CHODL: variants seen among roughly 807,000 people sequenced by gnomAD.
CHODL encodes chondrolectin.
In CHODL, 29 loss-of-function variants were observed where a neutral mutation model predicts 34.5. The ratio of observed to expected loss-of-function variants is 0.84; its 90% CI spans 0.63 to 1.15. The LOEUF (loss-of-function observed/expected upper bound fraction) is 1.15, where lower values mean the gene tolerates loss of function less well. CHODL is among the 50% of genes most tolerant of loss of function. The probability of loss-of-function intolerance (pLI) is 0.00; values close to 1 mark genes in which losing one functional copy is unlikely to be tolerated. For synonymous variants in CHODL, 125 were observed against 116.1 expected, an observed-to-expected ratio of 1.08 and a Z score of -0.49; for missense variants, 332 against 332.5, an observed-to-expected ratio of 1.00 and a Z score of 0.01.
chr21:17,984,258 C>A (rs1427078471), intron 1 of CHODL, among the ~76,000 whole-genome samples: 1 of 152,068 alleles, frequency 6.6e-6, no homozygotes, highest in Admixed American at 6.6e-5. Context: ...ATGGGTAGAC[C>A]AAATTTCCTT....
chr21:17,988,157 T>C (rs1016140856), intron 1 of CHODL, among the ~76,000 whole-genome samples: 3 of 152,200 alleles, frequency 2.0e-5, no homozygotes, highest in Admixed American at 6.5e-5. Context: ...TTGCCTTACC[T>C]GAATCTTCTT....
chr21:17,985,460 T>C (rs1393112618), intron 1 of CHODL, among the ~76,000 whole-genome samples: 1 of 152,230 alleles, frequency 6.6e-6, no homozygotes, highest in Non-Finnish European at 1.5e-5. Context: ...TTGGAAGTTG[T>C]CATAGAGTCA....
chr21:18,147,882 G>A (rs2072915133), intron 2 of CHODL, among the ~76,000 whole-genome samples: 1 of 152,216 alleles, frequency 6.6e-6, no homozygotes, highest in African/African-American at 2.4e-5. Context: ...AGCTCAAGGT[G>A]ATGAATCATG....
chr21:17,996,557 G>C (rs2063851074), intron 1 of CHODL, among the ~76,000 whole-genome samples: 1 of 152,212 alleles, frequency 6.6e-6, no homozygotes, highest in Non-Finnish European at 1.5e-5. Flanking sequence ...AAGAAACTCA[G>C]TGGGGATGCC....
At chr21:18,084,836 C>T (rs157053) in intron 2 of CHODL, among the ~76,000 whole-genome samples, 61,355 of 151,238 alleles carry the variant, frequency 0.41, 13,603 homozygotes, top group Non-Finnish European at 0.51. Context: ...TTTTTTGTCT[C>T]GATGATCTGT....
At chr21:18,009,376 A>C (rs2063990231) in intron 1 of CHODL, among the ~76,000 whole-genome samples, 1 of 152,180 alleles carries the variant, frequency 6.6e-6, no homozygotes, top group Non-Finnish European at 1.5e-5. Context: ...TCTTTTCTGA[A>C]AGTACAAACC....
At chr21:18,014,437 T>C (rs1317465641) in intron 1 of CHODL, among the ~76,000 whole-genome samples, 1 of 152,176 alleles carries the variant, frequency 6.6e-6, no homozygotes, top group Non-Finnish European at 1.5e-5. Context: ...TGAGCACACA[T>C]GCACATAAAC....
At chr21:18,088,983 C>T (rs1348623620) in intron 2 of CHODL, among the ~76,000 whole-genome samples, 4 of 152,188 alleles carry the variant, frequency 2.6e-5, no homozygotes, top group Non-Finnish European at 5.9e-5. Context: ...GGAGGCTGCA[C>T]CTGCTCATCC....
chr21:18,203,787 T>C (rs1394434431), intron 2 of CHODL, among the ~76,000 whole-genome samples: 1 of 152,180 alleles, frequency 6.6e-6, no homozygotes, highest in African/African-American at 2.4e-5. Context: ...TGGGCTGATA[T>C]AATTTCAGTT....
At chr21:18,249,670 G>A (rs2074211614) in intron 1 of CHODL, among the ~76,000 whole-genome samples, 3 of 152,098 alleles carry the variant, frequency 2.0e-5, no homozygotes, top group African/African-American at 7.2e-5. Context: ...TGAGACATAT[G>A]GAGACAGCAT....
In CHODL at chr21:18,177,017, T is replaced by A. The variant is rs1172983860; in HGVS notation, c.-44-79492T>A. On this transcript the variant is annotated intron_variant, in intron 2 of 6. Coordinates refer to the CHODL transcript ENST00000400127. Reference sequence around the variant, plus strand: ...GAAGGAATCCATTATTTGCAGAGAGTCTTGAGCTATGAGGTTAATAACAAA... The same window carrying A: ...GAAGGAATCCATTATTTGCAGAGAGACTTGAGCTATGAGGTTAATAACAAA... Among the ~76,000 whole-genome samples, 4 of 151,850 alleles carry A rather than the reference T, an allele frequency of 2.6e-5. No homozygotes were observed. The East Asian group carries it at 7.7e-4, about 29-fold the overall frequency.
intron 1 of CHODL, among the ~76,000 whole-genome samples, chr21:18,013,069 T>A (rs956749996): frequency 6.6e-6 from 1 of 152,188 alleles, no homozygotes; most frequent in African/African-American, 2.4e-5. Flanking sequence ...GGGAATCTGA[T>A]TGGCTTTTAA....
intron 2 of CHODL, among the ~76,000 whole-genome samples, chr21:18,205,977 T>G (rs1381185446): frequency 1.3e-5 from 2 of 152,212 alleles, no homozygotes; most frequent in Non-Finnish European, 2.9e-5. Flanking sequence ...TTTTTAGTTT[T>G]ATTCCACTCT....
At chr21:18,081,103 A>T (rs2064935963) in intron 2 of CHODL, among the ~76,000 whole-genome samples, 1 of 152,194 alleles carries the variant, frequency 6.6e-6, no homozygotes, top group Non-Finnish European at 1.5e-5. Context: ...TAACTAGTGT[A>T]AATGGAATTG....
Position 18,172,157 on chromosome 21 carries a change from AT to A in CHODL, c.-44-84343del, listed in dbSNP as rs199941871. Among the ~76,000 whole-genome samples, 702 of 150,312 alleles carry A rather than the reference AT, an allele frequency of 4.7e-3. 4 individuals are homozygous for A. The highest frequency in any genetic ancestry group is 0.015 in the African/African-American group (625 of 40,860). On this transcript the variant is annotated intron_variant, in intron 2 of 6. Transcript: ENST00000400127. ...ATCTCATCCCACAGCTTTTCCTTTT[AT>A]TTTTTTTTCTTTTGAGCCTCTTATT...
intron 2 of CHODL, among the ~76,000 whole-genome samples, chr21:18,197,182 C>G (rs1191214884): frequency 2.0e-5 from 3 of 151,974 alleles, no homozygotes; most frequent in Non-Finnish European, 4.4e-5. Flanking sequence ...ATAAATATAA[C>G]TAATATACTG....
At chr21:18,060,389 G>A (rs1230528430) in intron 2 of CHODL, among the ~76,000 whole-genome samples, 1 of 152,000 alleles carries the variant, frequency 6.6e-6, no homozygotes, top group Non-Finnish European at 1.5e-5. Flanking sequence ...GGTCGAGGCT[G>A]CAGCGAGCCG....
At chr21:18,136,105 C>CAAAAAAAAAAAAAAAAAAAAA (rs67552520) in intron 2 of CHODL, among the ~76,000 whole-genome samples, 6 of 89,458 alleles carry the variant, frequency 6.7e-5, no homozygotes, top group African/African-American at 1.9e-4. Flanking sequence ...GATTATGTCT[C>CAAAAAAAAAAAAAAAAAAAAA]AAAAAAAAAA....
chr21:18,110,175 C>A (rs1369585815), intron 2 of CHODL, among the ~76,000 whole-genome samples: 2 of 152,192 alleles, frequency 1.3e-5, no homozygotes, highest in Non-Finnish European at 2.9e-5. Context: ...AAGAGTATTA[C>A]AGTTCCACTA....
Sources: allele counts gnomAD v4.1 joint callset (sites outside exome capture counted in the v4.1 genomes callset), GRCh38; gene constraint gnomAD v4.1.1; transcripts MANE v1.5; gene names NCBI Gene and HGNC (gene_info 2026-07-23, HGNC 2026-07-21).